Variants in PRDM1 observed in about 807,000 individuals in gnomAD.
PRDM1 encodes PR domain zinc finger protein 1.
PRDM1 carries 13 observed loss-of-function variants against 62.8 expected under a neutral mutation model. That is an observed-to-expected ratio of 0.21 (90% CI 0.13 to 0.33). PRDM1 has a LOEUF of 0.33. PRDM1 is among the 10% of genes least tolerant of loss of function. The pLI, the probability that PRDM1 is intolerant of heterozygous loss-of-function variation, is 1.00. For synonymous variants in PRDM1, 396 were observed against 417.6 expected (o/e 0.95, Z 0.63); for missense variants, 895 against 1,058.8 (o/e 0.85, Z 2.15).
chr6:106,053,258 G>A (rs1773207717), intron 1 of PRDM1, among the ~76,000 whole-genome samples: 1 of 152,178 alleles, frequency 6.6e-6, no homozygotes, highest in Middle Eastern at 3.4e-3. Flanking sequence ...AGAAGAAAAA[G>A]CCTTGTTGCA....
intron 1 of PRDM1, chr6:106,072,235 A>G (rs1773530840): frequency 6.6e-6 from 1 of 152,232 alleles, no homozygotes; most frequent in Middle Eastern, 3.2e-3. Flanking sequence ...AAGAGAAGAG[A>G]AGTAAGGAAA....
intron 1 of PRDM1, among the ~76,000 whole-genome samples, chr6:106,036,236 C>T (rs1307363529): frequency 4.6e-5 from 7 of 152,100 alleles, no homozygotes; most frequent in East Asian, 1.9e-4. Context: ...GGAACCTCTC[C>T]GTCCTAAGTT....
At chr6:106,038,012 G>GTTTTTTTTTTTTTTTTTTTTTTTTTTTTT (rs1302119750) in intron 1 of PRDM1, among the ~76,000 whole-genome samples, 1 of 20,526 alleles carries the variant, frequency 4.9e-5, no homozygotes, top group Non-Finnish European at 9.3e-5. Context: ...TGCTATTTTT[G>GTTTTTTTTTTTTTTTTTTTTTTTTTTTTT]TCTTTTTTTT....
rs1774201151 is a variant in PRDM1, at chr6:106,099,371, T to C, written c.483T>C (p.Tyr161=). The C allele has an allele frequency of 1.2e-6, 2 of 1,614,024 alleles. No homozygotes were observed. Among genetic ancestry groups the C allele is most frequent in the South Asian group, 2.2e-5 (2 of 91,082 alleles). Residue 161 remains tyrosine (Y), a synonymous_variant, in exon 4 of 7, where the codon TAT becomes TAC. Coordinates refer to ENST00000369096, the MANE Select transcript of PRDM1 (RefSeq NM_001198.4). ...AAGAGAAAAGCAACTGGATGCGCTATGTGAATCCAGCACACTCTCCCCGGG... is the reference window on the plus strand; with the variant it reads ...AAGAGAAAAGCAACTGGATGCGCTACGTGAATCCAGCACACTCTCCCCGGG... ...FNEEKSNWMR[Y]VNPAHSPREQ...
chr6:106,006,165 G>A (rs1384489177), intron 1 of PRDM1, among the ~76,000 whole-genome samples: 2 of 152,220 alleles, frequency 1.3e-5, no homozygotes, highest in Non-Finnish European at 1.5e-5. Flanking sequence ...TTTAGATTGA[G>A]GCAAACATGC....
In PRDM1 at chr6:106,066,362, C is replaced by T. The variant is rs117003125; in HGVS notation, c.-67+17648C>T. Among the ~76,000 whole-genome samples the T allele has an allele frequency of 2.1e-4, 32 of 152,176 alleles. No homozygotes were observed. The East Asian group carries it at 4.4e-3, about 21-fold the overall frequency. ...GTGAGCTGTGAGGAGGGCTCGGTCA[C>T]GTCAGTCTTAGAACTTTACCCTCAA... On this transcript the variant is annotated intron_variant, in intron 1 of 6. Coordinates refer to the PRDM1 transcript ENST00000651185.
rs537466994 is a variant in PRDM1, at chr6:106,089,846, G to T, written c.291+1397G>T. ...TGTGTTTTTTCCCCATATCAAGTTTGACCAAATATTCGTCTGTTCCCAAGC... is the reference window on the plus strand; with the variant it reads ...TGTGTTTTTTCCCCATATCAAGTTTTACCAAATATTCGTCTGTTCCCAAGC... On this transcript the variant is annotated intron_variant, in intron 2 of 6. Coordinates refer to ENST00000369096, the MANE Select transcript of PRDM1 (RefSeq NM_001198.4). 2.6e-5 allele frequency among the ~76,000 whole-genome samples: 4 copies of T among 152,274 alleles called. No homozygotes were observed. In the South Asian group the frequency reaches 8.3e-4, roughly 32 times the overall value.
At chr6:106,025,328 G>C (rs1235301093) in intron 1 of PRDM1, among the ~76,000 whole-genome samples, 1 of 152,186 alleles carries the variant, frequency 6.6e-6, no homozygotes, top group Non-Finnish European at 1.5e-5. Flanking sequence ...TATGCCATAT[G>C]CTTGACATAA....
chr6:106,086,122 C>G (rs918588911), upstream of PRDM1, among the ~76,000 whole-genome samples: 1 of 152,100 alleles, frequency 6.6e-6, no homozygotes. Flanking sequence ...CCCAAGTAAG[C>G]GTTGAGGTTA....
At chr6:106,019,652 T>C (rs1159848140) in intron 1 of PRDM1, among the ~76,000 whole-genome samples, 1 of 149,824 alleles carries the variant, frequency 6.7e-6, no homozygotes, top group Non-Finnish European at 1.5e-5. Flanking sequence ...TTTTTTTTTT[T>C]TTGAGATGGA....
At chr6:106,013,532 T>G (rs1488807622) in intron 1 of PRDM1, among the ~76,000 whole-genome samples, 2 of 152,012 alleles carry the variant, frequency 1.3e-5, no homozygotes, top group African/African-American at 4.8e-5. Context: ...TTCACCATGT[T>G]GGCCAGGCTT....
chr6:106,100,581 A>T (rs1306935878), intron 4 of PRDM1: 1 of 152,246 alleles, frequency 6.6e-6, no homozygotes, highest in Non-Finnish European at 1.5e-5. Flanking sequence ...ATAAATATCA[A>T]TGTTAACATA....
intron 1 of PRDM1, among the ~76,000 whole-genome samples, chr6:106,053,461 A>G (rs182107070): frequency 1.3e-5 from 2 of 152,070 alleles, no homozygotes; most frequent in Admixed American, 1.3e-4. Flanking sequence ...AAGAAAAAAC[A>G]CAGTTGAGAC....
chr6:106,100,331 A>T (rs1298013716), intron 4 of PRDM1: 1 of 152,244 alleles, frequency 6.6e-6, no homozygotes, highest in Non-Finnish European at 1.5e-5. Flanking sequence ...TAGACCACTA[A>T]ATCTTATTAG....
intron 1 of PRDM1, among the ~76,000 whole-genome samples, chr6:105,999,771 C>T (rs1316892757): frequency 6.6e-6 from 1 of 152,180 alleles, no homozygotes; most frequent in African/African-American, 2.4e-5. Context: ...ATGATATTTG[C>T]AAAAATATCC....
intron 4 of PRDM1, 98 bp from the exon 5 acceptor site, chr6:106,104,726 CT>C (rs1774391245): frequency 7.2e-7 from 1 of 1,396,920 alleles, no homozygotes; most frequent in South Asian, 1.4e-5. Flanking sequence ...GTGTCGCCAG[CT>C]GTTACTCAGG....
chr6:106,091,477 T>A (rs1013511849), intron 2 of PRDM1, among the ~76,000 whole-genome samples: 9 of 152,308 alleles, frequency 5.9e-5, no homozygotes, highest in African/African-American at 1.9e-4. Flanking sequence ...TTCACTTCAC[T>A]CCTTTTAAAA....
chr6:106,109,364 C>T lies in PRDM1; in HGVS notation c.*1878C>T, dbSNP rs560505948. On this transcript the variant is annotated 3_prime_UTR_variant, in exon 7 of 7. Transcript: ENST00000369096. ...CACAGAAATAAAAAACTGACTTTAC[C>T]GCTGCAATTTTTCTGTTTTCCTCCT... 2.1e-5 allele frequency: 5 copies of T among 232,892 alleles called. No homozygotes were observed. The highest frequency in any genetic ancestry group is 1.8e-4 in the South Asian group (1 of 5,510). 14.4% of individuals were successfully genotyped at this position (232,892 alleles called of 1,614,324 possible). A position where few individuals can be genotyped will look rare whatever the true frequency, so the allele number is the denominator to read the frequency against.
chr6:106,045,291 A>T (rs1773056817), upstream of PRDM1: 1 of 152,152 alleles, frequency 6.6e-6, no homozygotes, highest in Non-Finnish European at 1.5e-5. Context: ...TGTAGAATGC[A>T]AAACTTGAAT....
Sources: allele counts gnomAD v4.1 joint callset (sites outside exome capture counted in the v4.1 genomes callset), GRCh38; gene constraint gnomAD v4.1.1; transcripts MANE v1.5; gene names NCBI Gene and HGNC (gene_info 2026-07-23, HGNC 2026-07-21).